The following PCDH1 variants were observed in gnomAD, a reference collection of about 807,000 sequenced individuals.
PCDH1 encodes the protein protocadherin-1.
PCDH1 carries 23 observed loss-of-function variants against 74.6 expected under a neutral mutation model. The ratio of observed to expected loss-of-function variants is 0.31; its 90% confidence interval spans 0.22 to 0.44. The LOEUF is 0.44. Ranked by LOEUF, PCDH1 falls within the 20% of genes least tolerant of loss-of-function variation. The probability of loss-of-function intolerance (pLI) is 1.00; values close to 1 mark genes in which losing one functional copy is unlikely to be tolerated. For synonymous variants in PCDH1, 647 were observed against 686.1 expected (o/e 0.94, Z 0.89); for missense variants, 1,214 against 1,641.4 (o/e 0.74, Z 4.50).
chr5:141,871,087 G>A (rs1753083042), intron 1 of PCDH1, among the ~76,000 whole-genome samples: 1 of 152,224 alleles, frequency 6.6e-6, no homozygotes, highest in Non-Finnish European at 1.5e-5. Context: ...CGCCTGTGTT[G>A]TTCAGCTTCA....
intron 4 of PCDH1, among the ~76,000 whole-genome samples, chr5:141,854,914 C>T (rs1240850042): frequency 6.6e-6 from 1 of 151,354 alleles, no homozygotes; most frequent in Non-Finnish European, 1.5e-5. Flanking sequence ...TCAGGTGATC[C>T]ACCCACCTTG....
At chr5:141,855,909 A>G (rs1404502513) in intron 4 of PCDH1, among the ~76,000 whole-genome samples, 3 of 151,956 alleles carry the variant, frequency 2.0e-5, no homozygotes, top group Non-Finnish European at 2.9e-5. Context: ...TTCCTGTCAC[A>G]GCTGTCCCTG....
intron 1 of PCDH1, among the ~76,000 whole-genome samples, chr5:141,871,030 G>A (rs944832885): frequency 6.6e-6 from 1 of 152,200 alleles, no homozygotes; most frequent in Admixed American, 6.5e-5. Flanking sequence ...CTTATTGTCT[G>A]CTCCAATCCC....
chr5:141,869,231 A>T lies in PCDH1; in HGVS notation c.241T>A (p.Tyr81Asn), dbSNP rs750790709. ...AGGTGCCCCACATCTGGAAAACCATAGTCGGCTGCGAGGCTCCCAATGAGG... is the reference window on the plus strand; with the variant it reads ...AGGTGCCCCACATCTGGAAAACCATTGTCGGCTGCGAGGCTCCCAATGAGG... The part of the protein sequence containing the change: ...NTLIGSLAAD[Y>N]GFPDVGHLYK... The change falls in exon 2 of 5, where the codon TAT becomes AAT. Residue 81 changes from tyrosine (Y) to asparagine (N), a missense_variant. Coordinates refer to ENST00000287008, the MANE Select transcript of PCDH1 (RefSeq NM_032420.5). The surrounding 1 kb of genome is among the most constrained non-coding windows in gnomAD (Gnocchi z 4.9). 6.2e-7 allele frequency: 1 copy of T among 1,613,726 alleles called. No homozygotes were observed. Among genetic ancestry groups the T allele is most frequent in the Non-Finnish European group, 8.5e-7 (1 of 1,179,924 alleles).
chr5:141,865,994 T>C lies in PCDH1; in HGVS notation c.904-567A>G. The stretch of plus-strand genomic sequence containing the variant: ...ATGTGTATGATTGTGTCAGAATGTG[T>C]GATTATGTGTGATTTTTGTGTGAGA... On this transcript the variant is annotated intron_variant, in intron 2 of 4. Coordinates refer to ENST00000287008, the MANE Select transcript of PCDH1 (RefSeq NM_032420.5). This position sits in a 1 kb window ranked among gnomAD's most constrained non-coding sequence, Gnocchi z 4.4. The C allele has an allele frequency of 1.1e-6, 1 of 938,240 alleles. No individual in the cohort carries two copies. The highest frequency in any genetic ancestry group is 4.8e-5 in the South Asian group (1 of 20,716). 58.1% of individuals were successfully genotyped at this position (938,240 alleles called of 1,614,324 possible).
At chr5:141,866,021 G>A in intron 2 of PCDH1, 2 of 987,458 alleles carry the variant, frequency 2.0e-6, no homozygotes, top group African/African-American at 1.7e-5. Context: ...TGTGTGAGAA[G>A]GTATATGTGT....
chr5:141,872,815 G>A (rs953055286), intron 1 of PCDH1, among the ~76,000 whole-genome samples: 2 of 152,202 alleles, frequency 1.3e-5, no homozygotes, highest in African/African-American at 2.4e-5. Flanking sequence ...AGAACCACAG[G>A]ATAATATCCA....
Position 141,869,114 on chromosome 5 carries a change from G to C in PCDH1, c.358C>G (p.Leu120Val), listed in dbSNP as rs1311161507. The C allele has an allele frequency of 6.2e-7, 1 of 1,613,652 alleles. No individual in the cohort carries two copies. The highest frequency in any genetic ancestry group is 8.5e-7 in the Non-Finnish European group (1 of 1,179,954). The change falls in exon 2 of 5, where the codon CTC becomes GTC. Residue 120 changes from leucine (L) to valine (V), a missense_variant. By Grantham distance (32) the Leu-to-Val change is conservative. This residue lies in a region of PCDH1 where 97 missense variants were observed against 173.2 expected (regional missense o/e 0.56). Transcript: ENST00000287008. The surrounding 1 kb of genome is among the most constrained non-coding windows in gnomAD (Gnocchi z 4.9). ...TTETSIDREG[L>V]RECQNQLPGD... ...GGGAGCTGGTTCTGGCATTCACGGA[G>C]CCCCTCACGGTCGATGGAGGTCTCG...
intron 1 of PCDH1, among the ~76,000 whole-genome samples, chr5:141,875,291 C>A (rs1753193020): frequency 6.6e-6 from 1 of 152,106 alleles, no homozygotes; most frequent in Non-Finnish European, 1.5e-5. Context: ...ATAAACAAGC[C>A]AATCCCCTCG....
chr5:141,865,957 A>G lies in PCDH1; in HGVS notation c.904-530T>C, dbSNP rs1752809281. The G allele has an allele frequency of 3.0e-6, 2 of 667,466 alleles. No individual in the cohort carries two copies. The highest frequency in any genetic ancestry group is 5.3e-5 in the Admixed American group (1 of 19,008). The allele number at this position is 667,466 out of a possible 1,614,324, so 41.3% of individuals were successfully genotyped here. A position where few individuals can be genotyped will look rare whatever the true frequency, so the allele number is the denominator to read the frequency against. On this transcript the variant is annotated intron_variant, in intron 2 of 4. Transcript: ENST00000287008. This position sits in a 1 kb window ranked among gnomAD's most constrained non-coding sequence, Gnocchi z 4.4. ...ATGTGATATGTTTGTGTGAGAAGGTATATGTGTTTGTATGTGTATGATTGT... is the reference window on the plus strand; with the variant it reads ...ATGTGATATGTTTGTGTGAGAAGGTGTATGTGTTTGTATGTGTATGATTGT...
Position 141,868,864 on chromosome 5 carries a change from G to C in PCDH1, c.608C>G (p.Ala203Gly), listed in dbSNP as rs761475844. The C allele has an allele frequency of 6.2e-7, 1 of 1,614,226 alleles. No homozygotes were observed. Among genetic ancestry groups the C allele is most frequent in the South Asian group, 1.1e-5 (1 of 91,082 alleles). The change falls in exon 2 of 5, where the codon GCA becomes GGA. Residue 203 changes from alanine (A) to glycine (G), a missense_variant. By Grantham distance (60) the Ala-to-Gly change is moderately conservative. Around this residue, in one of 4 missense-constraint regions of PCDH1, gnomAD observed 836 missense variants for 1,182.2 expected, o/e 0.71. Coordinates refer to ENST00000287008, the MANE Select transcript of PCDH1 (RefSeq NM_032420.5). This position sits in a 1 kb window ranked among gnomAD's most constrained non-coding sequence, Gnocchi z 4.8. ...AGGCCCAGCCTGCAGCTCATAGGAT[G>C]CCACACCGTTGGGACCAGCATCACG... is the stretch of plus-strand genomic sequence containing the variant. ...SDRDAGPNGV[A>G]SYELQAGPEA...
In PCDH1 at chr5:141,857,398, T is replaced by C; in HGVS notation, c.3173A>G (p.Tyr1058Cys). 1 of 1,614,098 alleles carries C rather than the reference T, an allele frequency of 6.2e-7. No homozygotes were observed. Among genetic ancestry groups the C allele is most frequent in the Non-Finnish European group, 8.5e-7 (1 of 1,179,988 alleles). ...AGACTCCTCCAGGCCACTGTCATAG[T>C]AACTGTGCTGGGATGGGTCCTGCAG... ...QELQDPSQHSYYDSGLEESET... is the reference protein window; with the variant it reads ...QELQDPSQHSCYDSGLEESET... The change falls in exon 4 of 5, where the codon TAC becomes TGC. Residue 1058 changes from tyrosine to cysteine, a missense_variant. Tyr to Cys is a radical substitution (Grantham distance 194). Coordinates refer to ENST00000287008, the MANE Select transcript of PCDH1 (RefSeq NM_032420.5).
Position 141,878,409 on chromosome 5 carries a change from G to A in PCDH1, c.-147C>T, listed in dbSNP as rs1441131449. ...CGCCGCGCTCCCGCTCCCCGAGTGT[G>A]TGAGGCGGCGGCGGCGGCGGCGGCG... On this transcript the variant is annotated 5_prime_UTR_variant, in exon 1 of 5. Transcript: ENST00000287008. The surrounding 1 kb of genome is among the most constrained non-coding windows in gnomAD (Gnocchi z 5.5). 6 of 481,666 alleles carry A rather than the reference G, an allele frequency of 1.2e-5. No individual in the cohort carries two copies. In the Admixed American group the frequency reaches 3.6e-4, roughly 29 times the overall value. The allele number at this position is 481,666 out of a possible 1,614,324, so 29.8% of individuals were successfully genotyped here.
At chr5:141,856,916 C>T (rs543725611) in intron 4 of PCDH1, among the ~76,000 whole-genome samples, 3 of 152,234 alleles carry the variant, frequency 2.0e-5, no homozygotes, top group Admixed American at 6.5e-5. Context: ...CCCAGGTGGC[C>T]GTGTAAACAT....
In PCDH1 at chr5:141,858,108, CTTTCT is replaced by C. The variant is rs1043676204; in HGVS notation, c.3100-642_3100-638del. Among the ~76,000 whole-genome samples, 272 of 152,310 alleles carry C rather than the reference CTTTCT, an allele frequency of 1.8e-3. 2 individuals are homozygous for C. The highest frequency in any genetic ancestry group is 2.4e-3 in the Non-Finnish European group (161 of 68,032). On this transcript the variant is annotated intron_variant, in intron 3 of 4. Transcript: ENST00000287008. ...GCCTCCTTCCAAATGAGGGAACAAC[CTTTCT>C]TTTCTTATCCTGTGTTCCTCATCCC...
At chr5:141,861,432 A>G (rs1033156731) in intron 3 of PCDH1, among the ~76,000 whole-genome samples, 4 of 152,184 alleles carry the variant, frequency 2.6e-5, no homozygotes, top group African/African-American at 4.8e-5. Flanking sequence ...AGAGCTGAGT[A>G]AGAGACAATC....
chr5:141,874,824 A>C lies in PCDH1; in HGVS notation c.40+3399T>G, dbSNP rs1269229218. Reference sequence around the variant, plus strand: ...TGCCGCGGGCACAAAACACCAAGGGACAAACGGACTGTCGCGGGGAGAGGG... The same window carrying C: ...TGCCGCGGGCACAAAACACCAAGGGCCAAACGGACTGTCGCGGGGAGAGGG... On this transcript the variant is annotated intron_variant, in intron 1 of 4. Transcript: ENST00000287008. Among the ~76,000 whole-genome samples, 3 of 152,124 alleles carry C rather than the reference A, an allele frequency of 2.0e-5. No homozygotes were observed. The East Asian group carries it at 5.8e-4, about 29-fold the overall frequency.
At chr5:141,867,839 G>A (rs1279946032) in intron 2 of PCDH1, among the ~76,000 whole-genome samples, 1 of 152,220 alleles carries the variant, frequency 6.6e-6, no homozygotes, top group Non-Finnish European at 1.5e-5. Context: ...ACACCCACCT[G>A]TCTGCAGAGA....
In PCDH1 at chr5:141,854,099, G is replaced by C. The variant is rs369047512; in HGVS notation, c.3657C>G (p.Phe1219Leu). The change falls in exon 5 of 5, where the codon TTC (phenylalanine) becomes TTG (leucine). Residue 1219 changes from phenylalanine (F) to leucine (L), a missense_variant. Physicochemically the swap from Phe to Leu is conservative, Grantham distance 22 (BLOSUM62 0). This residue lies in a region of PCDH1 where 194 missense variants were observed against 198.3 expected (regional missense o/e 0.98). Transcript: ENST00000287008. Reference sequence around the variant, plus strand: ...CAGATGCCGGTGTGGCTGCGGGTGGGAAGTCCGAGGTCTGGGTCAGGGGGA... The same window carrying C: ...CAGATGCCGGTGTGGCTGCGGGTGGCAAGTCCGAGGTCTGGGTCAGGGGGA... ...EEIPLTQTSD[F>L]PPAATPASAQ... 1.3e-6 allele frequency: 2 copies of C among 1,556,344 alleles called. No homozygotes were observed. Among genetic ancestry groups the C allele is most frequent in the African/African-American group, 1.4e-5 (1 of 73,342 alleles).
Sources: allele counts gnomAD v4.1 joint callset (sites outside exome capture counted in the v4.1 genomes callset), GRCh38; gene constraint gnomAD v4.1.1; regional missense constraint gnomAD v4.1.1; non-coding constraint Gnocchi (gnomAD v3.1); transcripts MANE v1.5; gene names NCBI Gene and HGNC (gene_info 2026-07-23, HGNC 2026-07-21).